Variants in ANKRD30B observed in about 807,000 individuals in gnomAD.
ANKRD30B encodes the protein ankyrin repeat domain 30B, also known as ankyrin repeat domain-containing protein 30B.
In ANKRD30B, 144 loss-of-function variants were observed where a neutral mutation model predicts 202.2. That is an observed-to-expected ratio of 0.71 (90% confidence interval 0.62 to 0.82). The LOEUF (loss-of-function observed/expected upper bound fraction) is 0.82, where lower values mean the gene tolerates loss of function less well. ANKRD30B is among the 40% of genes least tolerant of loss of function. ANKRD30B has a pLI of 0.00. For missense variants in ANKRD30B, 1,487 were observed against 1,669.1 expected (o/e 0.89, Z 1.90); for synonymous variants, 508 against 561.3 (o/e 0.91, Z 1.34).
At chr18:14,878,841 G>A in the ANKRD30B span, among the ~76,000 whole-genome samples, 1 of 152,282 alleles carries the variant, frequency 6.6e-6, no homozygotes, top group African/African-American at 2.4e-5. Flanking sequence ...ATTAAGGCCA[G>A]GAAAAAGGTG....
chr18:14,818,969 G>C (rs1314469358), intron 30 of ANKRD30B, among the ~76,000 whole-genome samples: 1 of 152,036 alleles, frequency 6.6e-6, no homozygotes, highest in Non-Finnish European at 1.5e-5. Flanking sequence ...CTAGTTTACA[G>C]TCCCACCAAC....
Position 14,762,216 on chromosome 18 carries a change from G to A in ANKRD30B, c.821-1470G>A, listed in dbSNP as rs531568942. ...GTCTTGCCATCTTGCAGTGGGAAAG[G>A]AAAAGAAAAATCTATTAGTGGGCTC... On this transcript the variant is annotated intron_variant, in intron 6 of 43. Coordinates refer to ENST00000690538, the MANE Select transcript of ANKRD30B (RefSeq NM_001367607.2). 3.9e-5 allele frequency among the ~76,000 whole-genome samples: 6 copies of A among 152,310 alleles called. No individual in the cohort carries two copies. The South Asian group carries it at 1.2e-3, about 32-fold the overall frequency.
intron 8 of ANKRD30B, 58 bp from the exon 9 acceptor site, chr18:14,772,098 G>T: frequency 8.6e-7 from 1 of 1,156,334 alleles, no homozygotes; most frequent in Non-Finnish European, 1.2e-6. Context: ...TGAACTAGCA[G>T]ATTTTCTTTT....
chr18:14,797,386 G>A (rs541737735), intron 18 of ANKRD30B, among the ~76,000 whole-genome samples: 17 of 152,262 alleles, frequency 1.1e-4, no homozygotes, highest in Admixed American at 8.5e-4. Flanking sequence ...CATTCTGGCA[G>A]TCCAACCTGG....
At chr18:14,836,986 G>A (rs1225215830) in intron 34 of ANKRD30B, among the ~76,000 whole-genome samples, 1 of 151,916 alleles carries the variant, frequency 6.6e-6, no homozygotes, top group Admixed American at 6.6e-5. Flanking sequence ...GTTCTTATTT[G>A]TTTTCACATA....
At position 14,838,600 on chromosome 18, in the gene ANKRD30B, T is replaced by C. The variant is rs1482169459; in HGVS notation, c.2988+924T>C. 2.0e-5 allele frequency among the ~76,000 whole-genome samples: 3 copies of C among 152,316 alleles called. No individual in the cohort carries two copies. In the South Asian group the frequency reaches 6.2e-4, roughly 32 times the overall value. On this transcript the variant is annotated intron_variant, in intron 36 of 43. Coordinates refer to ENST00000690538, the MANE Select transcript of ANKRD30B (RefSeq NM_001367607.2). ...ATAGGTATCAAATAATAATGATGTA[T>C]TCCAAGGTCACAACTGTGGATGTGG...
chr18:14,757,786 C>T lies in ANKRD30B; in HGVS notation c.618-29C>T, dbSNP rs201639605. On this transcript the variant is annotated intron_variant, in intron 4 of 43. Transcript: ENST00000690538. ...AGGCACATATTAAATTGATTCTGCT[C>T]ATAATAAGTTATCTCTTTGTTATTT... 9.8e-4 allele frequency: 1,575 copies of T among 1,604,434 alleles called. 26 individuals are homozygous for T. In the South Asian group the frequency reaches 0.017, roughly 17 times the overall value.
In ANKRD30B at chr18:14,799,210, C is replaced by T; in HGVS notation, c.2059-13C>T. The T allele has an allele frequency of 6.3e-7, 1 of 1,582,426 alleles. No individual in the cohort carries two copies. On this transcript the variant is annotated splice_polypyrimidine_tract_variant and intron_variant, in intron 21 of 43. Transcript: ENST00000690538. ...CATTATATGTTAATTTTTGTGTTTC[C>T]AAACCCATTTAGCCTACCTGTGGAA... is the stretch of plus-strand genomic sequence containing the variant.
chr18:14,868,344 C>T, the ANKRD30B span, among the ~76,000 whole-genome samples: 1 of 152,278 alleles, frequency 6.6e-6, no homozygotes, highest in East Asian at 1.9e-4. Flanking sequence ...TGGAGGGTGC[C>T]CTCCTTCTGC....
chr18:14,879,369 C>T, the ANKRD30B span, among the ~76,000 whole-genome samples: 1 of 152,110 alleles, frequency 6.6e-6, no homozygotes, highest in Non-Finnish European at 1.5e-5. Flanking sequence ...AGACATGACA[C>T]CCAAAATATG....
chr18:14,837,595 C>T lies in ANKRD30B; in HGVS notation c.2927-20C>T, dbSNP rs1971235151. On this transcript the variant is annotated intron_variant, in intron 35 of 43. Transcript: ENST00000690538. ...GTAATAAACATTCTCATATACATGT[C>T]TGTGAATAACATTTTGTAGATAAGA... 6.7e-7 allele frequency: 1 copy of T among 1,491,386 alleles called. No homozygotes were observed. The highest frequency in any genetic ancestry group is 1.3e-5 in the South Asian group (1 of 78,638). 92.4% of individuals were successfully genotyped at this position (1,491,386 alleles called of 1,614,324 possible). A position where few individuals can be genotyped will look rare whatever the true frequency, so the allele number is the denominator to read the frequency against.
Position 14,754,911 on chromosome 18 carries a change from C to T in ANKRD30B, c.523C>T (p.Pro175Ser), listed in dbSNP as rs1914087256. 3 of 1,539,452 alleles carry T rather than the reference C, an allele frequency of 1.9e-6. No homozygotes were observed. In the South Asian group the frequency reaches 3.7e-5, roughly 19 times the overall value. Reference protein sequence around the residue: ...IEVQNKASLTPLLLAIQKRSK... With the variant: ...IEVQNKASLTSLLLAIQKRSK... ...TGCTATTTTACAGGCTAGCCTCACACCCCTTTTACTGGCCATACAGAAAAG... is the reference window on the plus strand; with the variant it reads ...TGCTATTTTACAGGCTAGCCTCACATCCCTTTTACTGGCCATACAGAAAAG... The change falls in exon 4 of 44, where the codon CCC becomes TCC. Residue 175 changes from proline to serine, a missense_variant. By Grantham distance (74) the Pro-to-Ser change is moderately conservative. This residue lies in a region of ANKRD30B where 889 missense variants were observed against 841.4 expected (regional missense o/e 1.06). Transcript: ENST00000690538.
At chr18:14,806,918 A>C (rs1328456805) in intron 24 of ANKRD30B, among the ~76,000 whole-genome samples, 3 of 151,020 alleles carry the variant, frequency 2.0e-5, no homozygotes, top group Non-Finnish European at 4.4e-5. Context: ...TCAGTGCTTC[A>C]GAAGTAAAGT....
At chr18:14,880,447 T>C in the ANKRD30B span, among the ~76,000 whole-genome samples, 1 of 152,184 alleles carries the variant, frequency 6.6e-6, no homozygotes, top group Non-Finnish European at 1.5e-5. Flanking sequence ...GGGATTGCAT[T>C]GAATTTGTAG....
intron 4 of ANKRD30B, among the ~76,000 whole-genome samples, chr18:14,755,825 C>A (rs944338028): frequency 6.6e-6 from 1 of 152,038 alleles, no homozygotes; most frequent in African/African-American, 2.4e-5. Context: ...TGGGTTGGTT[C>A]CAAGTCTTTG....
intron 30 of ANKRD30B, among the ~76,000 whole-genome samples, chr18:14,821,902 C>T (rs978017851): frequency 6.6e-6 from 1 of 152,186 alleles, no homozygotes; most frequent in Admixed American, 6.5e-5. Context: ...TATAAACTTT[C>T]ATTCTATAAG....
chr18:14,875,422 T>C, the ANKRD30B span, among the ~76,000 whole-genome samples: 2 of 152,268 alleles, frequency 1.3e-5, no homozygotes, highest in Admixed American at 6.5e-5. Context: ...TGCCAGGCCA[T>C]GTTCAGAAAG....
downstream of ANKRD30B, among the ~76,000 whole-genome samples, chr18:14,858,167 A>G (rs1972133579): frequency 3.4e-5 from 3 of 87,544 alleles, no homozygotes; most frequent in South Asian, 1.0e-3. Context: ...GCAGCCAGGC[A>G]GAGGCGCTCC....
intron 8 of ANKRD30B, among the ~76,000 whole-genome samples, chr18:14,771,108 A>C (rs1446103169): frequency 6.6e-6 from 1 of 152,226 alleles, no homozygotes; most frequent in Non-Finnish European, 1.5e-5. Context: ...CTGGAGGTGA[A>C]TGACTGACTG....
Sources: allele counts gnomAD v4.1 joint callset (sites outside exome capture counted in the v4.1 genomes callset), GRCh38; gene constraint gnomAD v4.1.1; regional missense constraint gnomAD v4.1.1; transcripts MANE v1.5; gene names NCBI Gene and HGNC (gene_info 2026-07-23, HGNC 2026-07-21).